The following TASP1 variants were observed in gnomAD, a reference collection of about 807,000 sequenced individuals.
The protein encoded by TASP1 is taspase 1, also known as threonine aspartase 1.
In TASP1, 16 loss-of-function variants were observed where a neutral mutation model predicts 56.6. The observed-to-expected ratio is 0.28, with a 90% CI of 0.19 to 0.43. The LOEUF (loss-of-function observed/expected upper bound fraction) is 0.43. TASP1 is among the 20% of genes least tolerant of loss of function. The pLI is 1.00. For missense variants in TASP1, 393 were observed against 511.6 expected (o/e 0.77, Z 2.24); for synonymous variants, 179 against 184.2 (o/e 0.97, Z 0.23).
the TASP1 span, among the ~76,000 whole-genome samples, chr20:13,344,456 G>C: frequency 1.1e-3 from 170 of 152,258 alleles, no homozygotes; most frequent in African/African-American, 3.8e-3. Context: ...AAAGTTGGTA[G>C]GGAACAGGTA....
chr20:13,165,013 G>GT, the TASP1 span: 3 of 604,626 alleles, frequency 5.0e-6, no homozygotes, highest in Non-Finnish European at 8.6e-6. Flanking sequence ...AGACGTTGTT[G>GT]TTTTTAATGT....
the TASP1 span, among the ~76,000 whole-genome samples, chr20:13,322,727 G>T: frequency 5.6e-4 from 85 of 152,266 alleles, no homozygotes; most frequent in African/African-American, 1.8e-3. Context: ...CTAAAGGATG[G>T]GGGTGGAATA....
At chr20:13,273,617 G>A in the TASP1 span, among the ~76,000 whole-genome samples, 2 of 152,134 alleles carry the variant, frequency 1.3e-5, no homozygotes, top group South Asian at 4.1e-4. Flanking sequence ...CCAGAGCTGG[G>A]AACCCCAGTT....
At chr20:13,321,543 C>T in the TASP1 span, among the ~76,000 whole-genome samples, 1 of 152,178 alleles carries the variant, frequency 6.6e-6, no homozygotes, top group Non-Finnish European at 1.5e-5. Context: ...ATAATCCTTC[C>T]TCTGTCTGCC....
chr20:13,523,598 G>A (rs920778856), intron 10 of TASP1, among the ~76,000 whole-genome samples: 1 of 152,076 alleles, frequency 6.6e-6, no homozygotes, highest in African/African-American at 2.4e-5. Flanking sequence ...CTAATCACTA[G>A]CTCAGAAATA....
At chr20:13,355,017 G>C in the TASP1 span, among the ~76,000 whole-genome samples, 3 of 152,222 alleles carry the variant, frequency 2.0e-5, no homozygotes, top group Non-Finnish European at 2.9e-5. Flanking sequence ...AATATGAAGA[G>C]TGACAATTTA....
At chr20:13,444,742 C>G (rs973232447) in intron 11 of TASP1, among the ~76,000 whole-genome samples, 11 of 152,110 alleles carry the variant, frequency 7.2e-5, no homozygotes, top group Non-Finnish European at 1.3e-4. Flanking sequence ...TCACTACACT[C>G]ACTTTATAGA....
chr20:13,626,910 C>CA (rs992423851), intron 2 of TASP1, among the ~76,000 whole-genome samples: 20 of 121,638 alleles, frequency 1.6e-4, no homozygotes, highest in African/African-American at 5.4e-4. Flanking sequence ...GCCCCCCCCC[C>CA]ACCCCGTACA....
the TASP1 span, among the ~76,000 whole-genome samples, chr20:13,163,444 C>A: frequency 6.6e-6 from 1 of 151,672 alleles, no homozygotes; most frequent in Non-Finnish European, 1.5e-5. Flanking sequence ...TCACAGATGC[C>A]CCAAATGTGC....
chr20:13,421,388 TG>T (rs66793874), intron 12 of TASP1, among the ~76,000 whole-genome samples: 39,184 of 151,792 alleles, frequency 0.26, 5,384 homozygotes, highest in Middle Eastern at 0.32. Flanking sequence ...TTAGAGTGTT[TG>T]TTTTTGCCAT....
the TASP1 span, among the ~76,000 whole-genome samples, chr20:13,212,142 C>T: frequency 6.6e-6 from 1 of 152,136 alleles, no homozygotes; most frequent in African/African-American, 2.4e-5. Context: ...ACTGTTCTTG[C>T]AGTTGGGTGG....
chr20:13,273,344 C>G, the TASP1 span, among the ~76,000 whole-genome samples: 2 of 151,796 alleles, frequency 1.3e-5, no homozygotes, highest in African/African-American at 2.4e-5. Context: ...AAGTGATCCT[C>G]CTACCTCAGC....
At chr20:13,219,736 C>T in the TASP1 span, among the ~76,000 whole-genome samples, 2 of 152,174 alleles carry the variant, frequency 1.3e-5, no homozygotes, top group South Asian at 2.1e-4. Flanking sequence ...CTTCCTCTCC[C>T]GGGCACAAAT....
At chr20:13,379,790 C>T in the TASP1 span, among the ~76,000 whole-genome samples, 1 of 152,086 alleles carries the variant, frequency 6.6e-6, no homozygotes, top group Non-Finnish European at 1.5e-5. Context: ...ATTCTTTTTT[C>T]TCTAATCTTG....
chr20:13,489,751 A>G (rs571577916), intron 10 of TASP1, among the ~76,000 whole-genome samples: 13 of 152,284 alleles, frequency 8.5e-5, no homozygotes, highest in African/African-American at 3.1e-4. Context: ...ATCCATTCCT[A>G]TCATAAATAA....
the TASP1 span, among the ~76,000 whole-genome samples, chr20:13,359,280 G>C: frequency 5.8e-4 from 87 of 149,110 alleles, no homozygotes; most frequent in African/African-American, 1.4e-3. Context: ...ATGCCCGCAG[G>C]CCAGGATTCC....
the TASP1 span, among the ~76,000 whole-genome samples, chr20:13,279,093 A>T: frequency 6.6e-6 from 1 of 152,184 alleles, no homozygotes; most frequent in African/African-American, 2.4e-5. Flanking sequence ...TCTCAATGGG[A>T]GATGTGGCAC....
chr20:13,131,936 C>T, the TASP1 span, among the ~76,000 whole-genome samples: 45 of 152,114 alleles, frequency 3.0e-4, no homozygotes, highest in African/African-American at 9.4e-4. Context: ...CCCCTCCCCT[C>T]GCTCAGCCTA....
chr20:13,550,047 T>G (rs1036655738), intron 8 of TASP1, among the ~76,000 whole-genome samples: 21 of 151,924 alleles, frequency 1.4e-4, no homozygotes, highest in Non-Finnish European at 1.5e-5. Context: ...TATAGCTTGG[T>G]GTGGATTTAA....
Sources: gnomAD v4.1 joint callset for allele counts (sites outside exome capture counted in the v4.1 genomes callset) on GRCh38, gnomAD v4.1.1 for gene constraint, MANE v1.5 for transcripts, NCBI Gene and HGNC (gene_info 2026-07-23, HGNC 2026-07-21) for gene names.